The following LRRIQ1 variants were observed in gnomAD, a reference collection of about 807,000 sequenced individuals.
The protein encoded by LRRIQ1 is leucine-rich repeat- and IQ domain-containing protein 1.
Under a neutral mutation model 211.9 loss-of-function variants are expected in LRRIQ1, and 210 were observed. The observed-to-expected ratio is 0.99, with a 90% CI of 0.89 to 1.11. The LOEUF (loss-of-function observed/expected upper bound fraction) is 1.11, where lower values mean the gene tolerates loss of function less well. Among genes scored for constraint, LRRIQ1 ranks in the 50% most tolerant of loss-of-function variants. LRRIQ1 has a pLI of 0.00. For synonymous variants in LRRIQ1, 699 were observed against 650.1 expected (o/e 1.08, Z -1.14); for missense variants, 2,136 against 1,939.5 (o/e 1.10, Z -1.90).
chr12:85,263,107 A>G, exon 2 of LRRIQ1: 1 of 978,736 alleles, frequency 1.0e-6, no homozygotes, highest in African/African-American at 1.7e-5. Context: ...TGTTTCATGA[A>G]GTCTGGATAT....
intron 8 of LRRIQ1, among the ~76,000 whole-genome samples, chr12:85,062,128 T>C (rs991511144): frequency 6.6e-6 from 1 of 151,898 alleles, no homozygotes; most frequent in Non-Finnish European, 1.5e-5. Context: ...ATAATAGTGC[T>C]TCCAATTTTA....
At chr12:85,270,237 C>A in the LRRIQ1 span, among the ~76,000 whole-genome samples, 174 of 152,120 alleles carry the variant, frequency 1.1e-3, 4 homozygotes, top group East Asian at 0.032. Flanking sequence ...CATAGTCTTA[C>A]AATTGGAATA....
chr12:85,134,935 C>T (rs1032957), intron 18 of LRRIQ1, among the ~76,000 whole-genome samples: 41,238 of 151,760 alleles, frequency 0.27, 5,740 homozygotes, highest in Admixed American at 0.33. Context: ...TTAGCATGAA[C>T]TTCTATAATT....
chr12:85,082,056 TC>T (rs1884349669), intron 11 of LRRIQ1, among the ~76,000 whole-genome samples: 1 of 152,126 alleles, frequency 6.6e-6, no homozygotes, highest in South Asian at 2.1e-4. Context: ...TCACTTTTCT[TC>T]CTTTTGATGT....
chr12:85,267,260 A>G (rs1593040109), downstream of LRRIQ1, among the ~76,000 whole-genome samples: 1 of 152,180 alleles, frequency 6.6e-6, no homozygotes, highest in Middle Eastern at 3.4e-3. Flanking sequence ...AAATGTAAAA[A>G]TAAATTGGTA....
In LRRIQ1 at chr12:85,230,922, G is replaced by A. The variant is rs752572555; in HGVS notation, c.4955+1273G>A. 8.5e-5 allele frequency among the ~76,000 whole-genome samples: 13 copies of A among 152,086 alleles called. No individual in the cohort carries two copies. The South Asian group carries it at 1.7e-3, about 19-fold the overall frequency. ...AAATTAGCCGGGCGCGGTAGGGGGC[G>A]CCTGTAGTCCCAGCTACTCGGAGGC... On this transcript the variant is annotated intron_variant, in intron 25 of 26. Coordinates refer to ENST00000393217, the MANE Select transcript of LRRIQ1 (RefSeq NM_001079910.2).
intron 11 of LRRIQ1, among the ~76,000 whole-genome samples, chr12:85,098,130 T>C (rs1886050543): frequency 6.6e-6 from 1 of 152,144 alleles, no homozygotes; most frequent in Admixed American, 6.5e-5. Flanking sequence ...CAATTTTTAA[T>C]TGATAGATAA....
chr12:85,059,084 A>G (rs1164301916), intron 8 of LRRIQ1, among the ~76,000 whole-genome samples: 1 of 151,998 alleles, frequency 6.6e-6, no homozygotes, highest in East Asian at 1.9e-4. Context: ...GTCTTTATTC[A>G]CCACTGTTAC....
intron 11 of LRRIQ1, among the ~76,000 whole-genome samples, chr12:85,085,789 G>A (rs1592765024): frequency 6.6e-6 from 1 of 152,142 alleles, no homozygotes; most frequent in Admixed American, 6.6e-5. Flanking sequence ...TTATGGCTGT[G>A]TAGTATTCCA....
At chr12:85,156,199 T>C (rs1565874480) in intron 23 of LRRIQ1, among the ~76,000 whole-genome samples, 1 of 151,718 alleles carries the variant, frequency 6.6e-6, no homozygotes, top group African/African-American at 2.4e-5. Flanking sequence ...TTTGTTTTGC[T>C]TTTTTTATCA....
At chr12:85,152,941 G>C (rs1296658512) in intron 20 of LRRIQ1, 83 bp from the exon 21 acceptor site, 18 of 902,850 alleles carry the variant, frequency 2.0e-5, no homozygotes, top group Non-Finnish European at 2.9e-5. Context: ...GAGGCTATTT[G>C]GTAATATGCA....
chr12:85,174,374 G>A (rs1243865754), intron 24 of LRRIQ1, among the ~76,000 whole-genome samples: 2 of 151,770 alleles, frequency 1.3e-5, no homozygotes, highest in African/African-American at 4.8e-5. Context: ...TAGAGACTCA[G>A]TTCAGGAGGT....
chr12:85,052,109 T>A (rs919545874), intron 6 of LRRIQ1, 68 bp from the exon 7 acceptor site: 1 of 873,966 alleles, frequency 1.1e-6, no homozygotes. Flanking sequence ...GTTATGAGAA[T>A]CATATATAAT....
At chr12:85,175,624 T>C (rs914790870) in intron 24 of LRRIQ1, among the ~76,000 whole-genome samples, 1 of 152,102 alleles carries the variant, frequency 6.6e-6, no homozygotes, top group Non-Finnish European at 1.5e-5. Flanking sequence ...TCTTCTAGGG[T>C]TTTTATGGTT....
intron 24 of LRRIQ1, among the ~76,000 whole-genome samples, chr12:85,180,489 A>G (rs1387484311): frequency 1.3e-5 from 2 of 151,958 alleles, no homozygotes; most frequent in East Asian, 3.9e-4. Context: ...AAAAAAAATG[A>G]TAGTTCAACC....
At chr12:85,117,245 T>C (rs1232067086) in intron 15 of LRRIQ1, among the ~76,000 whole-genome samples, 1 of 152,176 alleles carries the variant, frequency 6.6e-6, no homozygotes, top group African/African-American at 2.4e-5. Context: ...TGATGACGTC[T>C]CCTCATTCAG....
chr12:85,070,510 T>C (rs1882971236), intron 10 of LRRIQ1, among the ~76,000 whole-genome samples: 1 of 152,006 alleles, frequency 6.6e-6, no homozygotes, highest in Non-Finnish European at 1.5e-5. Flanking sequence ...TACTATTGTA[T>C]GGAGAAATTC....
intron 19 of LRRIQ1, among the ~76,000 whole-genome samples, chr12:85,149,854 A>C (rs1565870137): frequency 6.6e-6 from 1 of 151,790 alleles, no homozygotes; most frequent in Non-Finnish European, 1.5e-5. Flanking sequence ...GATTCTATAA[A>C]AGTTTCTATA....
intron 18 of LRRIQ1, among the ~76,000 whole-genome samples, chr12:85,135,431 G>T (rs1889056244): frequency 6.6e-6 from 1 of 151,608 alleles, no homozygotes; most frequent in African/African-American, 2.4e-5. Context: ...ACATTGCCTA[G>T]ATCGATTATT....
Sources: allele counts gnomAD v4.1 joint callset (sites outside exome capture counted in the v4.1 genomes callset), GRCh38; gene constraint gnomAD v4.1.1; transcripts MANE v1.5; gene names NCBI Gene and HGNC (gene_info 2026-07-23, HGNC 2026-07-21).